Variants in RAP1GAP observed in about 807,000 individuals in gnomAD.
The protein encoded by RAP1GAP is RAP1 GTPase activating protein, also known as rap1 GTPase-activating protein 1.
RAP1GAP carries 35 observed loss-of-function variants against 87.2 expected under a neutral mutation model. The observed-to-expected ratio is 0.40, with a 90% confidence interval of 0.31 to 0.53. RAP1GAP has a LOEUF of 0.53. Among genes scored for constraint, RAP1GAP ranks in the 20% least tolerant of loss-of-function variants. The probability of loss-of-function intolerance (pLI) is 0.48; values close to 1 mark genes in which losing one functional copy is unlikely to be tolerated. For synonymous variants in RAP1GAP, 375 were observed against 363.9 expected, an observed-to-expected ratio of 1.03 and a Z score of -0.35; for missense variants, 734 against 898.9, an observed-to-expected ratio of 0.82 and a Z score of 2.35.
chr1:21,638,035 C>T (rs1239831339), intron 2 of RAP1GAP, among the ~76,000 whole-genome samples: 1 of 150,364 alleles, frequency 6.7e-6, no homozygotes, highest in Non-Finnish European at 1.5e-5. Flanking sequence ...CCTGTAGTCC[C>T]AGCTACTCAG....
intron 1 of RAP1GAP, among the ~76,000 whole-genome samples, chr1:21,654,851 AAAAG>A (rs899705465): frequency 1.4e-5 from 2 of 138,978 alleles, no homozygotes; most frequent in Admixed American, 7.1e-5. Context: ...AGAAAAAAGA[AAAAG>A]AAAGGCTAGG....
chr1:21,610,062 GGCAGAGCT>G, intron 14 of RAP1GAP, 50 bp downstream of exon 14: 2 of 1,581,966 alleles, frequency 1.3e-6, no homozygotes, highest in Non-Finnish European at 1.7e-6. Flanking sequence ...TCCCAGGGAG[GGCAGAGCT>G]GCAGCCAGGG....
At chr1:21,599,853 C>T (rs968825338) in intron 20 of RAP1GAP, among the ~76,000 whole-genome samples, 7 of 152,244 alleles carry the variant, frequency 4.6e-5, no homozygotes, top group African/African-American at 1.7e-4. Flanking sequence ...CTGCTCAAAA[C>T]CCTCTCCTGG....
At chr1:21,660,158 A>G (rs1363642737) in intron 1 of RAP1GAP, among the ~76,000 whole-genome samples, 1 of 150,576 alleles carries the variant, frequency 6.6e-6, no homozygotes, top group Non-Finnish European at 1.5e-5. Flanking sequence ...TAGCCTCACA[A>G]AGCACCTCCC....
chr1:21,649,418 G>A (rs960971924), intron 2 of RAP1GAP, among the ~76,000 whole-genome samples: 6 of 152,096 alleles, frequency 3.9e-5, no homozygotes, highest in African/African-American at 1.2e-4. Context: ...AATATGCCAG[G>A]GCCAGTTTTT....
rs1284483541 is a variant in RAP1GAP at position 21,622,750 on chromosome 1, CA to C, written c.-18-2701del. ...CGTCGGGCTCCCCGAGGGGGCCCCC[CA>C]CTCGGTTCTCCCCAGCGCGCCCCCA... On this transcript the variant is annotated intron_variant, in intron 3 of 24. Transcript: ENST00000374765. This position sits in a 1 kb window ranked among gnomAD's most constrained non-coding sequence, Gnocchi z 5.7. 2.0e-5 allele frequency among the ~76,000 whole-genome samples: 3 copies of C among 151,906 alleles called. No homozygotes were observed. The highest frequency in any genetic ancestry group is 4.8e-5 in the African/African-American group (2 of 41,416).
chr1:21,653,476 A>G (rs571998426), intron 1 of RAP1GAP, among the ~76,000 whole-genome samples: 1 of 152,068 alleles, frequency 6.6e-6, no homozygotes, highest in African/African-American at 2.4e-5. Context: ...GGGGGGAGGA[A>G]TCACACCAGG....
chr1:21,598,855 C>T (rs1357750177), intron 21 of RAP1GAP, among the ~76,000 whole-genome samples: 4 of 152,262 alleles, frequency 2.6e-5, no homozygotes, highest in African/African-American at 9.6e-5. Flanking sequence ...AGACTCTGTG[C>T]CCCAGCAGGC....
At chr1:21,665,865 CTGGGG>C (rs2097327203) in intron 1 of RAP1GAP, among the ~76,000 whole-genome samples, 1 of 152,250 alleles carries the variant, frequency 6.6e-6, no homozygotes, top group Non-Finnish European at 1.5e-5. Flanking sequence ...AGTCATCAGC[CTGGGG>C]CCCCATGGGC....
At chr1:21,663,413 G>A (rs567472764) in intron 1 of RAP1GAP, among the ~76,000 whole-genome samples, 6 of 152,332 alleles carry the variant, frequency 3.9e-5, no homozygotes, top group Non-Finnish European at 7.3e-5. Context: ...AGGGGAAGAC[G>A]CAAGAGGCTG....
intron 17 of RAP1GAP, among the ~76,000 whole-genome samples, chr1:21,607,444 T>C (rs2075407355): frequency 6.6e-6 from 1 of 152,118 alleles, no homozygotes; most frequent in African/African-American, 2.4e-5. Context: ...GAGCTGAAAT[T>C]TGAAGTGTCC....
At chr1:21,635,740 C>T (rs908605838) in intron 2 of RAP1GAP, among the ~76,000 whole-genome samples, 8 of 152,214 alleles carry the variant, frequency 5.3e-5, no homozygotes, top group Non-Finnish European at 8.8e-5. Flanking sequence ...GAAACCCCCA[C>T]GGGGATAGAC....
At chr1:21,597,576 A>G in intron 24 of RAP1GAP, 110 bp downstream of exon 24, 1 of 1,188,820 alleles carries the variant, frequency 8.4e-7, no homozygotes. Flanking sequence ...AAACCCAGAT[A>G]CATAGCTCCC....
In RAP1GAP at chr1:21,660,345, A is replaced by ATATATATATATATATATATATT; in HGVS notation, c.-149+8908_-149+8909insAATATATATATATATATATATA. Among the ~76,000 whole-genome samples the ATATATATATATATATATATATT allele has an allele frequency of 8.3e-4, 77 of 92,630 alleles. 9 individuals are homozygous for ATATATATATATATATATATATT. The highest frequency in any genetic ancestry group is 2.6e-3 in the African/African-American group (68 of 26,072). 60.8% of individuals were successfully genotyped at this position (92,630 alleles called of 152,430 possible). A position where few individuals can be genotyped will look rare whatever the true frequency, so the allele number is the denominator to read the frequency against. ...AGAGTGGGTTCCAACTCAGCTATAT[A>ATATATATATATATATATATATT]TATTTATTGAGACAGTCTCGCTCTG... On this transcript the variant is annotated intron_variant, in intron 1 of 24. Transcript: ENST00000374765.
intron 2 of RAP1GAP, among the ~76,000 whole-genome samples, chr1:21,632,769 C>T (rs1250365393): frequency 1.8e-5 from 2 of 112,398 alleles, no homozygotes; most frequent in African/African-American, 5.3e-5. Context: ...ACTGCAGTGG[C>T]TCACACCTAT....
chr1:21,648,080 G>A (rs767823750), intron 2 of RAP1GAP, among the ~76,000 whole-genome samples: 1 of 152,218 alleles, frequency 6.6e-6, no homozygotes, highest in Non-Finnish European at 1.5e-5. Flanking sequence ...GGAAGGGAGG[G>A]CCTAGGGTTA....
chr1:21,624,421 C>T (rs544038539), intron 3 of RAP1GAP, among the ~76,000 whole-genome samples: 41 of 152,208 alleles, frequency 2.7e-4, no homozygotes, highest in Admixed American at 4.6e-4. Context: ...GGCCCAGAGA[C>T]GGGCAGGGAT....
At chr1:21,608,420 G>A in intron 16 of RAP1GAP, 70 bp from the exon 17 acceptor site, 2 of 1,557,520 alleles carry the variant, frequency 1.3e-6, no homozygotes, top group Non-Finnish European at 1.7e-6. Flanking sequence ...TTCAAATCCT[G>A]GCCACCTTCT....
chr1:21,611,363 C>A, intron 13 of RAP1GAP, 89 bp downstream of exon 13: 1 of 1,488,126 alleles, frequency 6.7e-7, no homozygotes, highest in Non-Finnish European at 9.1e-7. Context: ...CAGGGCCCAG[C>A]GCTGAGCCTG....
Sources: gnomAD v4.1 joint callset for allele counts (sites outside exome capture counted in the v4.1 genomes callset) on GRCh38, gnomAD v4.1.1 for gene constraint, Gnocchi (gnomAD v3.1) non-coding constraint, MANE v1.5 for transcripts, NCBI Gene and HGNC (gene_info 2026-07-23, HGNC 2026-07-21) for gene names.